MUC5B: variants seen among roughly 807,000 people sequenced by gnomAD.
The protein encoded by MUC5B is mucin-5B.
Under a neutral mutation model 376.9 loss-of-function variants are expected in MUC5B, and 116 were observed. The ratio of observed to expected loss-of-function variants is 0.31; its 90% CI spans 0.26 to 0.36. The LOEUF (loss-of-function observed/expected upper bound fraction) is 0.36. Among genes scored for constraint, MUC5B ranks in the 10% least tolerant of loss-of-function variants. MUC5B has a pLI of 1.00. For missense variants in MUC5B, 7,165 were observed against 7,769.9 expected (o/e 0.92, Z 2.93); for synonymous variants, 3,517 against 3,390.9 (o/e 1.04, Z -1.29).
chr11:1,249,158 C>A lies in MUC5B; in HGVS notation c.12278C>A (p.Thr4093Asn), dbSNP rs746873370. 1 of 1,611,490 alleles carries A rather than the reference C, an allele frequency of 6.2e-7. No individual in the cohort carries two copies. Among genetic ancestry groups the A allele is most frequent in the South Asian group, 1.1e-5 (1 of 90,978 alleles). ...GTTTPGHTTA[T>N]SRTTATATPS... ...ACCACCCCGGGCCACACCACGGCCA[C>A]CTCCAGGACCACGGCCACGGCCACA... The change falls in exon 31 of 49, where the codon ACC becomes AAC. Residue 4093 changes from threonine to asparagine, a missense_variant. By Grantham distance (65) the Thr-to-Asn change is moderately conservative (BLOSUM62 0). Transcript: ENST00000529681.
intron 37 of MUC5B, 23 bp from the exon 38 acceptor site, chr11:1,256,133 C>T (rs1172954154): frequency 1.4e-6 from 1 of 721,830 alleles, no homozygotes; most frequent in East Asian, 2.7e-5. Flanking sequence ...CTTGGCTTGT[C>T]TGACACCTCT....
rs1322118736 is a variant in MUC5B, at chr11:1,245,695, G to C, written c.8815G>C (p.Asp2939His). The part of the protein sequence containing the change: ...ELGQVVECSL[D>H]FGLVCRNREQ... Reference sequence around the variant, plus strand: ...GGGCCAGGTCGTGGAATGCAGCCTGGACTTTGGCCTGGTCTGCAGGAACCG... The same window carrying C: ...GGGCCAGGTCGTGGAATGCAGCCTGCACTTTGGCCTGGTCTGCAGGAACCG... Residue 2939 changes from aspartate to histidine, a missense_variant, in exon 31 of 49, where the codon GAC becomes CAC. Physicochemically the swap from Asp to His is moderately conservative, Grantham distance 81 (BLOSUM62 -1). Coordinates refer to ENST00000529681, the MANE Select transcript of MUC5B (RefSeq NM_002458.3). The C allele has an allele frequency of 2.5e-6, 4 of 1,607,848 alleles. No individual in the cohort carries two copies. In the Admixed American group the frequency reaches 6.7e-5, roughly 27 times the overall value.
In MUC5B at chr11:1,248,954, G is replaced by C. The variant is rs200048522; in HGVS notation, c.12074G>C (p.Arg4025Pro). The C allele has an allele frequency of 3.7e-4, 598 of 1,598,580 alleles. No individual in the cohort carries two copies. The African/African-American group carries it at 7.1e-3, about 19-fold the overall frequency. Residue 4025 changes from arginine (R) to proline (P), a missense_variant, in exon 31 of 49, where the codon CGC becomes CCC. By Grantham distance (103) the Arg-to-Pro change is moderately radical (BLOSUM62 -2). This residue lies in a region of MUC5B where 47 missense variants were observed against 98.5 expected (regional missense o/e 0.48). Coordinates refer to ENST00000529681, the MANE Select transcript of MUC5B (RefSeq NM_002458.3). ...TCCCCCAGCAGTCCCCACACGGTGCGCACAGCCTGGACTTCGGCCACCTCA... is the reference window on the plus strand; with the variant it reads ...TCCCCCAGCAGTCCCCACACGGTGCCCACAGCCTGGACTTCGGCCACCTCA... Reference protein sequence around the residue: ...SLSPSSPHTVRTAWTSATSGT... With the variant: ...SLSPSSPHTVPTAWTSATSGT...
In MUC5B at chr11:1,257,340, TC is replaced by T. The variant is rs1862866403; in HGVS notation, c.16269+73del. The T allele has an allele frequency of 1.2e-6, 1 of 808,460 alleles. No individual in the cohort carries two copies. Among genetic ancestry groups the T allele is most frequent in the Admixed American group, 1.7e-5 (1 of 58,088 alleles). The allele number at this position is 808,460 out of a possible 1,614,324, so 50.1% of individuals were successfully genotyped here. A position where few individuals can be genotyped will look rare whatever the true frequency, so the allele number is the denominator to read the frequency against. On this transcript the variant is annotated intron_variant, in intron 40 of 48. Coordinates refer to ENST00000529681, the MANE Select transcript of MUC5B (RefSeq NM_002458.3). This position sits in a 1 kb window ranked among gnomAD's most constrained non-coding sequence, Gnocchi z 8.9. Reference sequence around the variant, plus strand: ...AGCTGAGGGAGGGAGGGAAGGAGCATCCCCATCCCACAGGGCAGCTGTGGGG... The same window carrying T: ...AGCTGAGGGAGGGAGGGAAGGAGCATCCCATCCCACAGGGCAGCTGTGGGG...
At position 1,251,645 on chromosome 11, in the gene MUC5B, C is replaced by T; in HGVS notation, c.14765C>T (p.Ser4922Phe). 1.9e-6 allele frequency: 3 copies of T among 1,613,112 alleles called. No individual in the cohort carries two copies. Among genetic ancestry groups the T allele is most frequent in the Non-Finnish European group, 2.5e-6 (3 of 1,179,804 alleles). The change falls in exon 31 of 49, where the codon TCC (serine) becomes TTC (phenylalanine). Residue 4922 changes from serine (S) to phenylalanine (F), a missense_variant. This residue lies in a region of MUC5B where 730 missense variants were observed against 592.7 expected (regional missense o/e 1.23). Coordinates refer to ENST00000529681, the MANE Select transcript of MUC5B (RefSeq NM_002458.3). ...CCAACCTTCAGCGTGTCCACTGTGT[C>T]CTCCTCAGTCCTCACCACCCTGAGA... ...SLPTFSVSTV[S>F]SSVLTTLRPT...
At chr11:1,228,450 G>C in intron 7 of MUC5B, 114 bp from the exon 8 acceptor site, 1 of 1,034,114 alleles carries the variant, frequency 9.7e-7, no homozygotes, top group Non-Finnish European at 1.4e-6. Context: ...TGGGTACAAG[G>C]AACCCCGACA....
In MUC5B at chr11:1,261,722, C is replaced by T. The variant is rs1203878244; in HGVS notation, c.*114C>T. The T allele has an allele frequency of 1.8e-6, 2 of 1,084,832 alleles. No homozygotes were observed. The highest frequency in any genetic ancestry group is 1.6e-5 in the African/African-American group (1 of 64,284). 67.2% of individuals were successfully genotyped at this position (1,084,832 alleles called of 1,614,324 possible). A position where few individuals can be genotyped will look rare whatever the true frequency, so the allele number is the denominator to read the frequency against. On this transcript the variant is annotated 3_prime_UTR_variant, in exon 49 of 49. Transcript: ENST00000529681. The stretch of plus-strand genomic sequence containing the variant: ...AGCCCCCCGGCCTGTGTGTGGCACC[C>T]CGCGCTCCGTGCTCCTGCTGCCCAC...
Position 1,235,343 on chromosome 11 carries a change from T to A in MUC5B, c.2810T>A (p.Ile937Asn). The A allele has an allele frequency of 6.2e-7, 1 of 1,612,618 alleles. No homozygotes were observed. The highest frequency in any genetic ancestry group is 8.5e-7 in the Non-Finnish European group (1 of 1,179,718). ...GDNTTHGTFR[I>N]VTENIPCGTT... ...AACACCACCCACGGGACCTTCCGCATCGTCACCGAGAACATCCCCTGTGGG... is the reference window on the plus strand; with the variant it reads ...AACACCACCCACGGGACCTTCCGCAACGTCACCGAGAACATCCCCTGTGGG... The change falls in exon 23 of 49, where the codon ATC becomes AAC. Residue 937 changes from isoleucine to asparagine, a missense_variant. This residue lies in a region of MUC5B where 530 missense variants were observed against 604.0 expected (regional missense o/e 0.88). Transcript: ENST00000529681.
intron 23 of MUC5B, 164 bp from the exon 24 acceptor site, chr11:1,236,222 A>T: frequency 1.6e-6 from 1 of 623,226 alleles, no homozygotes; most frequent in Non-Finnish European, 2.7e-6. Flanking sequence ...CCTCTTGCCA[A>T]ACCTTCGCTG....
At chr11:1,240,119 G>T (rs1554936421) in intron 29 of MUC5B, 31 bp downstream of exon 29, 2 of 1,563,846 alleles carry the variant, frequency 1.3e-6, no homozygotes, top group East Asian at 4.5e-5. Context: ...TAGTGGGCCG[G>T]TGAAGGCTGG....
intron 23 of MUC5B, 91 bp downstream of exon 23, chr11:1,235,504 A>G (rs759601594): frequency 8.9e-7 from 1 of 1,121,254 alleles, no homozygotes; most frequent in Non-Finnish European, 1.3e-6. Context: ...CTGCACCCAC[A>G]GGTTCTCAGC....
In MUC5B at chr11:1,248,882, C is replaced by T. The variant is rs770055612; in HGVS notation, c.12002C>T (p.Thr4001Ile). The T allele has an allele frequency of 1.3e-6, 2 of 1,550,130 alleles. No homozygotes were observed. Among genetic ancestry groups the T allele is most frequent in the South Asian group, 1.2e-5 (1 of 85,092 alleles). Residue 4001 changes from threonine to isoleucine, a missense_variant, in exon 31 of 49, where the codon ACA (threonine) becomes ATA (isoleucine). Coordinates refer to ENST00000529681, the MANE Select transcript of MUC5B (RefSeq NM_002458.3). The part of the protein sequence containing the change: ...TPSSALGTTH[T>I]PPVPNTTATT... The stretch of plus-strand genomic sequence containing the variant: ...TCCTCTGCCCTAGGGACCACCCACA[C>T]ACCCCCAGTGCCGAACACCACGGCC...
At chr11:1,233,414 T>C in intron 18 of MUC5B, 146 bp downstream of exon 18, 1 of 987,276 alleles carries the variant, frequency 1.0e-6, no homozygotes, top group South Asian at 1.7e-5. Flanking sequence ...ACCCAGCACA[T>C]TCTGAAGAGA....
At chr11:1,225,792 AT>A (rs1235433780) in intron 2 of MUC5B, 55 bp downstream of exon 2, 3 of 1,539,544 alleles carry the variant, frequency 1.9e-6, no homozygotes, top group Non-Finnish European at 2.7e-6. Context: ...AGGGGCTGGA[AT>A]TTGGGCTGGG....
rs371074019 is a variant in MUC5B, at chr11:1,242,008, C to T, written c.5128C>T (p.Arg1710Cys). Reference protein sequence around the residue: ...PGTTGSLGTWRPSQPPTLAPT... With the variant: ...PGTTGSLGTWCPSQPPTLAPT... The stretch of plus-strand genomic sequence containing the variant: ...GACGACGGGGAGCTTGGGCACATGG[C>T]GCCCCTCACAGCCACCCACGCTGGC... The change falls in exon 31 of 49, where the codon CGC becomes TGC. Residue 1710 changes from arginine (R) to cysteine (C), a missense_variant. Coordinates refer to ENST00000529681, the MANE Select transcript of MUC5B (RefSeq NM_002458.3). 5.2e-5 allele frequency: 82 copies of T among 1,586,570 alleles called. No homozygotes were observed. The East Asian group carries it at 1.4e-3, about 26-fold the overall frequency.
At chr11:1,252,148 C>T (rs1193560795) in intron 31 of MUC5B, among the ~76,000 whole-genome samples, 195 bp from the exon 32 acceptor site, 4 of 151,100 alleles carry the variant, frequency 2.6e-5, no homozygotes, top group Non-Finnish European at 4.4e-5. Flanking sequence ...TGGCCACACT[C>T]GGTCCCCACT....
At chr11:1,240,765 G>A (rs780613642) in intron 30 of MUC5B, 86 bp from the exon 31 acceptor site, 194 of 1,287,936 alleles carry the variant, frequency 1.5e-4, no homozygotes, top group Middle Eastern at 5.5e-4. Context: ...CCAGCCCTGG[G>A]GAAAGGGTCC....
In MUC5B at chr11:1,234,326, A is replaced by C; in HGVS notation, c.2478+21A>C. 2 of 635,326 alleles carry C rather than the reference A, an allele frequency of 3.1e-6. No individual in the cohort carries two copies. The highest frequency in any genetic ancestry group is 5.5e-6 in the Non-Finnish European group (2 of 360,756). 39.4% of individuals were successfully genotyped at this position (635,326 alleles called of 1,614,324 possible). A position where few individuals can be genotyped will look rare whatever the true frequency, so the allele number is the denominator to read the frequency against. ...GCTGTGTGAGTTCCATGCTTCAGGG[A>C]GGGGTGGGCAGGGAAGGGGTCCCAG... is the stretch of plus-strand genomic sequence containing the variant. On this transcript the variant is annotated intron_variant, in intron 20 of 48. Transcript: ENST00000529681. The surrounding 1 kb of genome is among the most constrained non-coding windows in gnomAD (Gnocchi z 6.3).
chr11:1,248,600 C>A lies in MUC5B; in HGVS notation c.11720C>A (p.Ser3907Tyr). 1 of 1,613,008 alleles carries A rather than the reference C, an allele frequency of 6.2e-7. No homozygotes were observed. The highest frequency in any genetic ancestry group is 8.5e-7 in the Non-Finnish European group (1 of 1,179,458). Residue 3907 changes from serine (S) to tyrosine (Y), a missense_variant, in exon 31 of 49, where the codon TCC becomes TAC. Physicochemically the swap from Ser to Tyr is moderately radical, Grantham distance 144. This residue lies in a region of MUC5B where 242 missense variants were observed against 199.0 expected (regional missense o/e 1.22). Coordinates refer to ENST00000529681, the MANE Select transcript of MUC5B (RefSeq NM_002458.3). ...ACCAGTGGCTCCACGGTGACCCCCT[C>A]CTCCGTCCCGGGGACCACCCACACC... ...PTTSGSTVTPSSVPGTTHTPT... is the reference protein window; with the variant it reads ...PTTSGSTVTPYSVPGTTHTPT...
Sources: allele counts gnomAD v4.1 joint callset (sites outside exome capture counted in the v4.1 genomes callset), GRCh38; gene constraint gnomAD v4.1.1; regional missense constraint gnomAD v4.1.1; non-coding constraint Gnocchi (gnomAD v3.1); transcripts MANE v1.5; gene names NCBI Gene and HGNC (gene_info 2026-07-23, HGNC 2026-07-21).